Variants in CRTAC1 observed in about 807,000 individuals in gnomAD.
The protein encoded by CRTAC1 is cartilage acidic protein 1.
A neutral mutation model predicts 67.8 loss-of-function variants in CRTAC1; 37 were observed. That is an observed-to-expected ratio of 0.55 (90% CI 0.42 to 0.72). CRTAC1 has a LOEUF of 0.72. Among genes scored for constraint, CRTAC1 ranks in the 30% least tolerant of loss-of-function variants. The pLI is 0.00. For synonymous variants in CRTAC1, 348 were observed against 371.0 expected, an observed-to-expected ratio of 0.94 and a Z score of 0.71; for missense variants, 780 against 931.6, an observed-to-expected ratio of 0.84 and a Z score of 2.12.
intron 14 of CRTAC1, chr10:97,868,125 G>A (rs2050049860): frequency 6.6e-6 from 1 of 152,256 alleles, no homozygotes; most frequent in African/African-American, 2.4e-5. Context: ...CGGCCTTTTG[G>A]CCAAGATCAA....
chr10:97,968,333 C>T (rs1418153802), intron 2 of CRTAC1, among the ~76,000 whole-genome samples: 1 of 152,182 alleles, frequency 6.6e-6, no homozygotes. Context: ...ACCTCCACCT[C>T]CCAGGTTCAA....
chr10:97,936,643 T>G (rs550706267), intron 2 of CRTAC1, among the ~76,000 whole-genome samples: 2 of 152,330 alleles, frequency 1.3e-5, no homozygotes, highest in African/African-American at 4.8e-5. Flanking sequence ...GTGGGAGCCA[T>G]GGACAGCCCG....
chr10:97,932,422 C>G (rs993875328), intron 3 of CRTAC1, among the ~76,000 whole-genome samples: 5 of 152,138 alleles, frequency 3.3e-5, no homozygotes, highest in Admixed American at 2.0e-4. Context: ...AAAGGCACCC[C>G]CATGGAACTA....
chr10:97,966,806 T>C (rs935139325), intron 2 of CRTAC1, among the ~76,000 whole-genome samples: 4 of 152,172 alleles, frequency 2.6e-5, no homozygotes, highest in Non-Finnish European at 5.9e-5. Flanking sequence ...CAGTGGGATT[T>C]GTCTGATGTT....
At chr10:98,001,100 C>CGGA (rs1842679451) in intron 2 of CRTAC1, among the ~76,000 whole-genome samples, 1 of 152,106 alleles carries the variant, frequency 6.6e-6, no homozygotes, top group Non-Finnish European at 1.5e-5. Flanking sequence ...GATAATGGGT[C>CGGA]CGTTCACCAG....
At chr10:97,962,995 G>A (rs145326838) in intron 2 of CRTAC1, among the ~76,000 whole-genome samples, 82 of 152,132 alleles carry the variant, frequency 5.4e-4, no homozygotes, top group Admixed American at 2.5e-3. Flanking sequence ...GAGACTAAAG[G>A]TTCCAAAATT....
At position 97,935,850 on chromosome 10, in the gene CRTAC1, G is replaced by C. The variant is rs568540133; in HGVS notation, c.421+320C>G. ...GCTTGAGCCAGGGCAGGGCAGTGGG[G>C]CTGGAGAGGAGAGGAGGGGTCAGGA... On this transcript the variant is annotated intron_variant, in intron 3 of 14. Coordinates refer to ENST00000370597, the MANE Select transcript of CRTAC1 (RefSeq NM_018058.7). Among the ~76,000 whole-genome samples the C allele has an allele frequency of 6.6e-5, 10 of 152,300 alleles. No homozygotes were observed. In the South Asian group the frequency reaches 1.5e-3, roughly 22 times the overall value.
rs570744376 is a variant in CRTAC1, at chr10:97,998,034, G to T, written c.224+13104C>A. ...ACAATAGGCTGGAGTGCAGTGGTGC[G>T]ATCTCGGCTCAATGCCACCTTGATT... is the stretch of plus-strand genomic sequence containing the variant. On this transcript the variant is annotated intron_variant, in intron 2 of 14. Transcript: ENST00000370597. Among the ~76,000 whole-genome samples, 31 of 152,226 alleles carry T rather than the reference G, an allele frequency of 2.0e-4. 1 individual carries two copies. The South Asian group carries it at 6.2e-3, about 31-fold the overall frequency.
At chr10:97,886,656 T>TTG (rs1224185052) in intron 11 of CRTAC1, among the ~76,000 whole-genome samples, 1 of 151,122 alleles carries the variant, frequency 6.6e-6, no homozygotes, top group Non-Finnish European at 1.5e-5. Context: ...TTTCTTTTTT[T>TTG]TTTTTTGAGA....
chr10:98,024,424 T>C (rs1843184022), intron 1 of CRTAC1, among the ~76,000 whole-genome samples: 2 of 152,214 alleles, frequency 1.3e-5, no homozygotes, highest in Admixed American at 1.3e-4. Context: ...TTGAAGTTCC[T>C]TGTGGAACTT....
intron 2 of CRTAC1, among the ~76,000 whole-genome samples, chr10:98,003,975 G>A (rs959584796): frequency 6.6e-6 from 1 of 152,334 alleles, no homozygotes; most frequent in Middle Eastern, 3.4e-3. Context: ...TGGCAAACCT[G>A]CCAGGCACTG....
intron 2 of CRTAC1, among the ~76,000 whole-genome samples, chr10:97,964,020 C>T (rs568711454): frequency 2.6e-5 from 4 of 152,344 alleles, no homozygotes; most frequent in South Asian, 2.1e-4. Flanking sequence ...CCACCTACCA[C>T]GCTGTCTCAG....
chr10:97,971,212 A>T (rs1029258356), intron 2 of CRTAC1, among the ~76,000 whole-genome samples: 41 of 152,248 alleles, frequency 2.7e-4, no homozygotes, highest in African/African-American at 9.6e-4. Context: ...TTGATTGATG[A>T]CTAGGAATCT....
At position 97,884,295 on chromosome 10, in the gene CRTAC1, G is replaced by T. The variant is rs780716192; in HGVS notation, c.1543C>A (p.Arg515=). The change falls in exon 12 of 15, where the codon CGG becomes AGG. Residue 515 remains arginine (R), a synonymous_variant. Coordinates refer to ENST00000370597, the MANE Select transcript of CRTAC1 (RefSeq NM_018058.7). ...VTWPDGKMVS[R]NVASGEMNSV... is the part of the protein sequence containing the mutation. ...TTCATCTCCCCGCTGGCCACGTTCCGGCTCACCATCTTGCCATCTGGCCAC... is the reference window on the plus strand; with the variant it reads ...TTCATCTCCCCGCTGGCCACGTTCCTGCTCACCATCTTGCCATCTGGCCAC... 3 of 1,554,642 alleles carry T rather than the reference G, an allele frequency of 1.9e-6. No homozygotes were observed. Among genetic ancestry groups the T allele is most frequent in the Non-Finnish European group, 2.6e-6 (3 of 1,148,646 alleles).
At chr10:97,971,689 G>C (rs2051715278) in intron 2 of CRTAC1, among the ~76,000 whole-genome samples, 2 of 152,118 alleles carry the variant, frequency 1.3e-5, no homozygotes, top group South Asian at 4.1e-4. Flanking sequence ...CCACAATTTT[G>C]TTTTTTTAAA....
At chr10:97,908,241 G>A in intron 5 of CRTAC1, 94 bp from the exon 6 acceptor site, 1 of 1,381,896 alleles carries the variant, frequency 7.2e-7, no homozygotes, top group South Asian at 1.3e-5. Flanking sequence ...GGGAACTGCA[G>A]CAGAGGCTCC....
chr10:97,999,593 C>T (rs1842648882), intron 2 of CRTAC1, among the ~76,000 whole-genome samples: 1 of 152,208 alleles, frequency 6.6e-6, no homozygotes, highest in South Asian at 2.1e-4. Flanking sequence ...TGAATGGCAG[C>T]AGGAGGCAGA....
At chr10:97,947,935 T>C (rs534693617) in intron 2 of CRTAC1, among the ~76,000 whole-genome samples, 15 of 152,050 alleles carry the variant, frequency 9.9e-5, no homozygotes, top group Non-Finnish European at 1.5e-4. Context: ...GAAGATTGTG[T>C]TTGCTAGGAA....
intron 1 of CRTAC1, among the ~76,000 whole-genome samples, chr10:98,018,437 G>A (rs1382100539): frequency 2.0e-5 from 3 of 152,058 alleles, no homozygotes; most frequent in East Asian, 1.9e-4. Context: ...CCAGGCAGGC[G>A]GCAGCCAACT....
Sources: gnomAD v4.1 joint callset for allele counts (sites outside exome capture counted in the v4.1 genomes callset) on GRCh38, gnomAD v4.1.1 for gene constraint, MANE v1.5 for transcripts, NCBI Gene and HGNC (gene_info 2026-07-23, HGNC 2026-07-21) for gene names.